Variants in ZNF385D observed in about 807,000 individuals in gnomAD.
The protein encoded by ZNF385D is zinc finger protein 385D.
A neutral mutation model predicts 35.8 loss-of-function variants in ZNF385D; 15 were observed. The observed-to-expected ratio is 0.42, with a 90% CI of 0.28 to 0.64. ZNF385D has a LOEUF of 0.64. ZNF385D is among the 30% of genes least tolerant of loss of function. The probability of loss-of-function intolerance (pLI) is 0.23; values close to 1 mark genes in which losing one functional copy is unlikely to be tolerated. For synonymous variants in ZNF385D, 212 were observed against 186.8 expected, an observed-to-expected ratio of 1.13 and a Z score of -1.10; for missense variants, 474 against 494.6, an observed-to-expected ratio of 0.96 and a Z score of 0.39.
intron 2 of ZNF385D, among the ~76,000 whole-genome samples, chr3:22,317,077 A>G (rs1018255862): frequency 2.0e-5 from 3 of 152,012 alleles, no homozygotes; most frequent in Non-Finnish European, 2.9e-5. Flanking sequence ...CAGGAGCTCC[A>G]GACCAGCCTG....
chr3:21,523,607 T>G (rs1198495466), intron 3 of ZNF385D, among the ~76,000 whole-genome samples: 1 of 152,178 alleles, frequency 6.6e-6, no homozygotes, highest in East Asian at 1.9e-4. Flanking sequence ...AAAAAGACTA[T>G]GCAATGTTTT....
rs142632513 is a variant in ZNF385D, at chr3:22,023,818, G to A, written c.325+144999C>T. On this transcript the variant is annotated intron_variant, in intron 3 of 5. Coordinates refer to the ZNF385D transcript ENST00000494108. The stretch of plus-strand genomic sequence containing the variant: ...AGGCCAAAAGCAAGAACTTGGAAGA[G>A]TGCCCTGTACCTGGTACAGGGCTGT... Among the ~76,000 whole-genome samples the A allele has an allele frequency of 6.8e-3, 1,037 of 152,172 alleles. 14 individuals are homozygous for A. The highest frequency in any genetic ancestry group is 0.024 in the African/African-American group (980 of 41,522).
At chr3:21,994,131 C>T (rs1695318097) in intron 3 of ZNF385D, among the ~76,000 whole-genome samples, 1 of 152,186 alleles carries the variant, frequency 6.6e-6, no homozygotes, top group Non-Finnish European at 1.5e-5. Flanking sequence ...GTTTTCCTTG[C>T]TGCAGCAAGC....
intron 3 of ZNF385D, among the ~76,000 whole-genome samples, chr3:21,809,111 A>G (rs531770060): frequency 1.3e-5 from 2 of 152,306 alleles, no homozygotes; most frequent in Non-Finnish European, 2.9e-5. Context: ...ATTTGAGAAA[A>G]GATTCTCAAA....
intron 4 of ZNF385D, among the ~76,000 whole-genome samples, chr3:21,467,372 C>T (rs1237439303): frequency 2.0e-5 from 3 of 151,998 alleles, no homozygotes; most frequent in African/African-American, 4.8e-5. Context: ...TCTAAGTGCC[C>T]GTAAGTTGGA....
intron 2 of ZNF385D, among the ~76,000 whole-genome samples, chr3:22,258,342 GA>G (rs1559483334): frequency 6.6e-6 from 1 of 151,710 alleles, no homozygotes; most frequent in Non-Finnish European, 1.5e-5. Flanking sequence ...AATAAGTGAA[GA>G]AAAAATAGTG....
At chr3:21,630,847 G>T (rs1260571188) in intron 2 of ZNF385D, among the ~76,000 whole-genome samples, 3 of 152,066 alleles carry the variant, frequency 2.0e-5, no homozygotes, top group Non-Finnish European at 4.4e-5. Context: ...AACATACCCA[G>T]GAAGGTAGTA....
chr3:21,737,823 G>C (rs1280483330), intron 1 of ZNF385D, among the ~76,000 whole-genome samples: 1 of 152,214 alleles, frequency 6.6e-6, no homozygotes, highest in Non-Finnish European at 1.5e-5. Flanking sequence ...AGGAAGAAGA[G>C]AGCAAGAAAG....
At chr3:21,935,438 T>C (rs1701212314) in intron 3 of ZNF385D, among the ~76,000 whole-genome samples, 1 of 152,144 alleles carries the variant, frequency 6.6e-6, no homozygotes, top group Non-Finnish European at 1.5e-5. Context: ...GACATAGATA[T>C]AAAGTAATTC....
intron 4 of ZNF385D, among the ~76,000 whole-genome samples, chr3:21,448,775 A>G (rs1702289827): frequency 6.6e-6 from 1 of 152,168 alleles, no homozygotes; most frequent in Admixed American, 6.5e-5. Flanking sequence ...GATTTTCATG[A>G]AATTCCAAAT....
intron 3 of ZNF385D, among the ~76,000 whole-genome samples, chr3:21,812,690 C>T (rs2072978853): frequency 6.6e-6 from 1 of 152,206 alleles, no homozygotes; most frequent in South Asian, 2.1e-4. Context: ...GTAAACAAAG[C>T]AGCTGGGAAG....
intron 3 of ZNF385D, among the ~76,000 whole-genome samples, chr3:21,891,322 TA>T (rs879679891): frequency 6.6e-6 from 1 of 151,822 alleles, no homozygotes; most frequent in Non-Finnish European, 1.5e-5. Context: ...AGATCACAGG[TA>T]AAAAAAATAT....
chr3:21,504,710 A>G (rs541169737), intron 4 of ZNF385D, among the ~76,000 whole-genome samples: 1 of 152,246 alleles, frequency 6.6e-6, no homozygotes, highest in East Asian at 1.9e-4. Flanking sequence ...CGTGTTTTAG[A>G]ACTACAGTAC....
chr3:21,784,495 A>G (rs2071610149), intron 3 of ZNF385D, among the ~76,000 whole-genome samples: 1 of 152,172 alleles, frequency 6.6e-6, no homozygotes, highest in South Asian at 2.1e-4. Flanking sequence ...AGTAACGTGT[A>G]AAGTTACACT....
intron 3 of ZNF385D, among the ~76,000 whole-genome samples, chr3:21,942,878 T>C (rs1701588192): frequency 6.6e-6 from 1 of 152,148 alleles, no homozygotes; most frequent in Non-Finnish European, 1.5e-5. Context: ...AACATAGGAT[T>C]TCACCAAAAG....
chr3:22,170,762 C>T (rs1460065800), intron 2 of ZNF385D, among the ~76,000 whole-genome samples: 2 of 152,052 alleles, frequency 1.3e-5, no homozygotes, highest in Non-Finnish European at 2.9e-5. Context: ...ATAATCAGAA[C>T]ATTTCAAAAC....
At chr3:22,037,898 G>C (rs564863647) in intron 3 of ZNF385D, among the ~76,000 whole-genome samples, 1 of 152,236 alleles carries the variant, frequency 6.6e-6, no homozygotes, top group African/African-American at 2.4e-5. Flanking sequence ...CAATGGAACA[G>C]AACAGAGCCC....
intron 2 of ZNF385D, among the ~76,000 whole-genome samples, chr3:21,637,947 A>G (rs2065494173): frequency 1.3e-5 from 2 of 152,096 alleles, no homozygotes; most frequent in Non-Finnish European, 2.9e-5. Context: ...GTCTTAATAC[A>G]TTTGCCCTAT....
chr3:21,876,391 C>A lies in ZNF385D; in HGVS notation c.326-211363G>T, dbSNP rs113828987. Among the ~76,000 whole-genome samples the A allele has an allele frequency of 7.3e-4, 110 of 151,314 alleles. 1 individual carries two copies. The highest frequency in any genetic ancestry group is 2.3e-3 in the African/African-American group (94 of 41,298). ...GATGATTTAGGGATCACTAGAGAGC[C>A]ACTGACTGCCTGTGAGTTTTATCTG... is the stretch of plus-strand genomic sequence containing the variant. On this transcript the variant is annotated intron_variant, in intron 3 of 5. Coordinates refer to the ZNF385D transcript ENST00000494108.
Sources: gnomAD v4.1 joint callset for allele counts (sites outside exome capture counted in the v4.1 genomes callset) on GRCh38, gnomAD v4.1.1 for gene constraint, MANE v1.5 for transcripts, NCBI Gene and HGNC (gene_info 2026-07-23, HGNC 2026-07-21) for gene names.